The following BCO1 variants were observed in gnomAD, a reference collection of about 807,000 sequenced individuals.
BCO1 encodes beta,beta-carotene 15,15'-dioxygenase.
BCO1 carries 54 observed loss-of-function variants against 56.3 expected under a neutral mutation model. That is an observed-to-expected ratio of 0.96 (90% CI 0.77 to 1.20). The LOEUF is 1.20. Ranked by LOEUF, BCO1 falls within the 50% of genes most tolerant of loss-of-function variation. BCO1 has a pLI of 0.00. For synonymous variants in BCO1, 318 were observed against 266.1 expected (o/e 1.20, Z -1.90); for missense variants, 801 against 690.9 (o/e 1.16, Z -1.79).
intron 2 of BCO1, among the ~76,000 whole-genome samples, chr16:81,247,268 A>G (rs1387956269): frequency 6.6e-6 from 1 of 152,202 alleles, no homozygotes; most frequent in East Asian, 1.9e-4. Flanking sequence ...CCTCATCAGT[A>G]AAATGAGCTT....
At chr16:81,276,876 G>C (rs1907587585) in intron 7 of BCO1, among the ~76,000 whole-genome samples, 1 of 151,674 alleles carries the variant, frequency 6.6e-6, no homozygotes, top group Admixed American at 6.6e-5. Context: ...AGACCAGCTT[G>C]GCCAACATGA....
At chr16:81,283,589 A>G (rs1908001461) in intron 8 of BCO1, among the ~76,000 whole-genome samples, 1 of 152,066 alleles carries the variant, frequency 6.6e-6, no homozygotes, top group Admixed American at 6.6e-5. Flanking sequence ...CCTTCTTCTT[A>G]TCTAAGTATG....
intron 8 of BCO1, among the ~76,000 whole-genome samples, chr16:81,285,003 ATTTTC>A: frequency 6.6e-6 from 1 of 150,420 alleles, no homozygotes; most frequent in East Asian, 2.0e-4. Context: ...TGCCTGGCTA[ATTTTC>A]TTTGTATTTT....
intron 7 of BCO1, among the ~76,000 whole-genome samples, chr16:81,273,064 G>C (rs1274670697): frequency 6.6e-6 from 1 of 152,088 alleles, no homozygotes; most frequent in East Asian, 1.9e-4. Context: ...CCGCCTCCTG[G>C]GTTCTAGCGA....
At chr16:81,245,715 CG>C in intron 2 of BCO1, 112 bp downstream of exon 2, 1 of 1,387,000 alleles carries the variant, frequency 7.2e-7, no homozygotes, top group Non-Finnish European at 1.0e-6. Context: ...AAGTCTAAAT[CG>C]GGTCTCACTG....
intron 2 of BCO1, among the ~76,000 whole-genome samples, chr16:81,247,402 C>T (rs939560547): frequency 2.0e-5 from 3 of 152,176 alleles, no homozygotes; most frequent in African/African-American, 7.2e-5. Flanking sequence ...GTGGCTCATG[C>T]CTGTAATCCC....
At chr16:81,271,640 A>AT (rs1907225886) in intron 7 of BCO1, among the ~76,000 whole-genome samples, 1 of 152,062 alleles carries the variant, frequency 6.6e-6, no homozygotes, top group African/African-American at 2.4e-5. Flanking sequence ...GAGTCTTACA[A>AT]TACGTGATCT....
intron 1 of BCO1, among the ~76,000 whole-genome samples, chr16:81,240,270 C>A (rs568580676): frequency 3.6e-4 from 55 of 152,072 alleles, no homozygotes; most frequent in African/African-American, 1.2e-3. Flanking sequence ...GGTCTATTTC[C>A]TTTAACTTTT....
chr16:81,255,898 T>C (rs1906105703), intron 2 of BCO1, among the ~76,000 whole-genome samples: 1 of 151,994 alleles, frequency 6.6e-6, no homozygotes. Flanking sequence ...CGATTTCGGC[T>C]CACTGCAAGC....
chr16:81,261,255 C>T (rs1906464442), intron 3 of BCO1, among the ~76,000 whole-genome samples: 1 of 152,176 alleles, frequency 6.6e-6, no homozygotes, highest in Non-Finnish European at 1.5e-5. Context: ...AGGAGCACTC[C>T]CCAATACACC....
At chr16:81,267,835 G>T (rs1242061903) in intron 5 of BCO1, 73 bp from the exon 6 acceptor site, 2 of 1,274,816 alleles carry the variant, frequency 1.6e-6, no homozygotes, top group Non-Finnish European at 2.3e-6. Context: ...CAGTTTGTAG[G>T]TGATGGTGGT....
intron 10 of BCO1, among the ~76,000 whole-genome samples, chr16:81,289,888 C>T (rs1264627120): frequency 6.6e-6 from 1 of 152,068 alleles, no homozygotes; most frequent in Non-Finnish European, 1.5e-5. Flanking sequence ...GTTTTGAGGC[C>T]GTGTTTCACT....
At chr16:81,252,717 T>C (rs1411717629) in intron 2 of BCO1, among the ~76,000 whole-genome samples, 1 of 152,180 alleles carries the variant, frequency 6.6e-6, no homozygotes, top group Non-Finnish European at 1.5e-5. Flanking sequence ...AGCATGTAGC[T>C]GAGGACCAGT....
intron 7 of BCO1, among the ~76,000 whole-genome samples, chr16:81,274,610 G>A (rs2150631075): frequency 6.6e-6 from 1 of 152,174 alleles, no homozygotes; most frequent in Middle Eastern, 3.4e-3. Context: ...CAGGCACAGT[G>A]GCTCACGCCT....
chr16:81,245,505 TG>T lies in BCO1; in HGVS notation c.96del (p.Leu33SerfsTer42), dbSNP rs776011219. Reference sequence around the variant, plus strand: ...ATTCCAGCATGGCTGCAGGGAACCCTGCTCCGCAATGGGCCTGGGATGCACA... The same window carrying T: ...ATTCCAGCATGGCTGCAGGGAACCCTCTCCGCAATGGGCCTGGGATGCACA... ...GKIPAWLQGT[L>X]LRNGPGMHTV... On this transcript the variant is annotated frameshift_variant, in exon 2 of 11. Transcript: ENST00000258168. LOFTEE classifies it high-confidence loss of function. 1.1e-5 allele frequency: 18 copies of T among 1,613,666 alleles called. No individual in the cohort carries two copies. Among genetic ancestry groups the T allele is most frequent in the Non-Finnish European group, 1.5e-5 (18 of 1,179,718 alleles).
intron 7 of BCO1, among the ~76,000 whole-genome samples, chr16:81,276,961 G>C (rs1037153927): frequency 1.3e-5 from 2 of 151,316 alleles, no homozygotes; most frequent in African/African-American, 2.4e-5. Context: ...CAGCTACTCA[G>C]GAAGCTGAGG....
rs57961725 is a variant in BCO1 at position 81,254,295 on chromosome 16, A to ATTT, written c.194-5356_194-5354dup. The stretch of plus-strand genomic sequence containing the variant: ...GGGTGCGTGCCACCACGCCCGGCTA[A>ATTT]TTTTTTTTTTTTTTTTTTTTTTTTT... On this transcript the variant is annotated intron_variant, in intron 2 of 10. Transcript: ENST00000258168. Among the ~76,000 whole-genome samples the ATTT allele has an allele frequency of 8.3e-3, 652 of 78,258 alleles. 59 individuals carry two copies. The highest frequency in any genetic ancestry group is 0.033 in the African/African-American group (577 of 17,304). 51.3% of individuals were successfully genotyped at this position (78,258 alleles called of 152,430 possible).
intron 6 of BCO1, among the ~76,000 whole-genome samples, chr16:81,268,915 G>A (rs1365270395): frequency 6.6e-6 from 1 of 151,816 alleles, no homozygotes; most frequent in African/African-American, 2.4e-5. Context: ...AGAGGCACAT[G>A]TCTCTATGCC....
At position 81,238,855 on chromosome 16, in the gene BCO1, C is replaced by T. The variant is rs1904977579; in HGVS notation, c.-54C>T. 1 of 1,510,502 alleles carries T rather than the reference C, an allele frequency of 6.6e-7. No individual in the cohort carries two copies. 93.6% of individuals were successfully genotyped at this position (1,510,502 alleles called of 1,614,324 possible). ...AGGAGGGAGCAGCATCTCCTGTGAA[C>T]ACAGAGGAGCACCTGTTTGCTGTTA... On this transcript the variant is annotated 5_prime_UTR_variant, in exon 1 of 11. Coordinates refer to ENST00000258168, the MANE Select transcript of BCO1 (RefSeq NM_017429.3).
Sources: allele counts gnomAD v4.1 joint callset (sites outside exome capture counted in the v4.1 genomes callset), GRCh38; gene constraint gnomAD v4.1.1; transcripts MANE v1.5; gene names NCBI Gene and HGNC (gene_info 2026-07-23, HGNC 2026-07-21).